Variants in FGGY observed in about 807,000 individuals in gnomAD.
FGGY encodes the protein FGGY carbohydrate kinase domain containing, also known as FGGY carbohydrate kinase domain-containing protein.
In FGGY, 72 loss-of-function variants were observed where a neutral mutation model predicts 71.3. The observed-to-expected ratio is 1.01, with a 90% CI of 0.84 to 1.23. The LOEUF (loss-of-function observed/expected upper bound fraction) is 1.23. FGGY is among the 50% of genes most tolerant of loss of function. The probability of loss-of-function intolerance (pLI) is 0.00; values close to 1 mark genes in which losing one functional copy is unlikely to be tolerated. For synonymous variants in FGGY, 251 were observed against 250.3 expected (o/e 1.00, Z -0.02); for missense variants, 668 against 682.3 (o/e 0.98, Z 0.23).
At chr1:59,447,909 G>A (rs757831009) in intron 5 of FGGY, among the ~76,000 whole-genome samples, 1 of 152,192 alleles carries the variant, frequency 6.6e-6, no homozygotes, top group Non-Finnish European at 1.5e-5. Flanking sequence ...TGTGGGAGAA[G>A]TAGTACCCTG....
At chr1:59,413,859 G>A (rs1053319574) in intron 5 of FGGY, among the ~76,000 whole-genome samples, 1 of 152,180 alleles carries the variant, frequency 6.6e-6, no homozygotes, top group Non-Finnish European at 1.5e-5. Flanking sequence ...TCCTTGGGAG[G>A]CTGAGGCATG....
intron 14 of FGGY, among the ~76,000 whole-genome samples, chr1:59,724,644 G>T (rs2097925471): frequency 6.6e-6 from 1 of 151,896 alleles, no homozygotes. Context: ...TTAGCATTTG[G>T]CATTGTTCGT....
intron 14 of FGGY, among the ~76,000 whole-genome samples, chr1:59,721,806 G>C (rs969768159): frequency 6.6e-6 from 1 of 151,758 alleles, no homozygotes; most frequent in Non-Finnish European, 1.5e-5. Flanking sequence ...CAGAGTGAAA[G>C]ACACCTGACA....
At chr1:59,507,911 GC>G (rs1226825222) in intron 6 of FGGY, among the ~76,000 whole-genome samples, 2 of 151,942 alleles carry the variant, frequency 1.3e-5, no homozygotes, top group Non-Finnish European at 2.9e-5. Context: ...GCCTGGCCAC[GC>G]CTGAAGCCCT....
rs2097955432 is a variant in FGGY at position 59,726,987 on chromosome 1, C to T, written c.1513-30944C>T. 1.3e-5 allele frequency among the ~76,000 whole-genome samples: 2 copies of T among 152,068 alleles called. 1 individual carries two copies. The highest frequency in any genetic ancestry group is 4.1e-4 in the South Asian group (2 of 4,820). ...TAAGGTTTGGGTACAGATCCTTTCT[C>T]CCAGGTAGTGAGCATAGTACACAAT... On this transcript the variant is annotated intron_variant, in intron 14 of 15. Transcript: ENST00000303721.
At position 59,340,036 on chromosome 1, in the gene FGGY, A is replaced by G; in HGVS notation, c.280A>G (p.Lys94Glu). ...DATCSLVVLD[K>E]QFHPLPVNQE... ...CACGTGTTCTCTGGTTGTTTTGGAT[A>G]AGCAGTTTCACCCATTACCAGTCAA... Residue 94 changes from lysine (K) to glutamate (E), a missense_variant, in exon 3 of 16, where the codon AAG becomes GAG. Coordinates refer to ENST00000303721, the MANE Select transcript of FGGY (RefSeq NM_018291.5). The G allele has an allele frequency of 6.2e-7, 1 of 1,613,052 alleles. No homozygotes were observed. Among genetic ancestry groups the G allele is most frequent in the South Asian group, 1.1e-5 (1 of 90,858 alleles).
At chr1:59,457,358 C>T (rs2091808545) in intron 6 of FGGY, among the ~76,000 whole-genome samples, 1 of 152,168 alleles carries the variant, frequency 6.6e-6, no homozygotes, top group South Asian at 2.1e-4. Context: ...CACCTGTAAT[C>T]CCAGCACTTT....
At chr1:59,306,487 A>G (rs2043456352) in intron 1 of FGGY, among the ~76,000 whole-genome samples, 1 of 152,236 alleles carries the variant, frequency 6.6e-6, no homozygotes, top group African/African-American at 2.4e-5. Flanking sequence ...TGAGGGAAGG[A>G]CTGGTTACCA....
intron 6 of FGGY, among the ~76,000 whole-genome samples, chr1:59,493,878 T>G (rs1295840949): frequency 6.6e-6 from 1 of 152,220 alleles, no homozygotes; most frequent in Admixed American, 6.5e-5. Flanking sequence ...TATTCTCTTC[T>G]TGGGGGAGAT....
intron 6 of FGGY, among the ~76,000 whole-genome samples, chr1:59,473,758 A>G (rs1293112230): frequency 6.6e-6 from 1 of 152,208 alleles, no homozygotes; most frequent in African/African-American, 2.4e-5. Context: ...ATTCCTTTCA[A>G]GAGATGGTTC....
At chr1:59,347,485 A>G (rs1430767798) in intron 4 of FGGY, among the ~76,000 whole-genome samples, 3 of 151,690 alleles carry the variant, frequency 2.0e-5, no homozygotes, top group Non-Finnish European at 4.4e-5. Context: ...CATTTTCTTA[A>G]TCCAGTCTAT....
At chr1:59,625,874 A>G (rs2096851524) in intron 9 of FGGY, 114 bp from the exon 10 acceptor site, 2 of 715,506 alleles carry the variant, frequency 2.8e-6, no homozygotes, top group Non-Finnish European at 4.2e-6. Context: ...ATGTTCTTGG[A>G]ACCCGTATGG....
intron 1 of FGGY, among the ~76,000 whole-genome samples, chr1:59,311,513 T>C (rs1468279882): frequency 2.6e-5 from 4 of 152,126 alleles, no homozygotes; most frequent in Non-Finnish European, 5.9e-5. Context: ...TGTTCCTGTG[T>C]TAGTTTGCTG....
chr1:59,457,052 G>A lies in FGGY; in HGVS notation c.646G>A (p.Val216Ile). 6.2e-7 allele frequency: 1 copy of A among 1,613,826 alleles called. No individual in the cohort carries two copies. The change falls in exon 6 of 16, where the codon GTT (valine) becomes ATT (isoleucine). Residue 216 changes from valine (V) to isoleucine (I), a missense_variant. Val to Ile is a conservative substitution (Grantham distance 29). This residue lies in a region of FGGY where 661 missense variants were observed against 661.6 expected (regional missense o/e 1.00). Coordinates refer to ENST00000303721, the MANE Select transcript of FGGY (RefSeq NM_018291.5). ...GAAAATGATTGGTTTGGAAGACTTT[G>A]TTGCAGATAATTACAGCAAAATAGG... ...FWKMIGLEDF[V>I]ADNYSKIGNQ... is the part of the protein sequence containing the mutation.
chr1:59,457,691 G>T (rs1411076017), intron 6 of FGGY, among the ~76,000 whole-genome samples: 1 of 152,176 alleles, frequency 6.6e-6, no homozygotes, highest in Non-Finnish European at 1.5e-5. Flanking sequence ...TACTCAAGGG[G>T]CTGTGTATGG....
At chr1:59,625,228 A>C (rs779234708) in intron 9 of FGGY, among the ~76,000 whole-genome samples, 1 of 152,188 alleles carries the variant, frequency 6.6e-6, no homozygotes, top group African/African-American at 2.4e-5. Flanking sequence ...TGGGTGTGTT[A>C]TGGCAAGCAG....
chr1:59,698,690 CT>C (rs1320433936), intron 14 of FGGY: 2 of 910,374 alleles, frequency 2.2e-6, no homozygotes, highest in African/African-American at 3.6e-5. Context: ...AACAGGACAG[CT>C]GTCCCCAAAG....
At chr1:59,459,183 A>G (rs1179898484) in intron 6 of FGGY, among the ~76,000 whole-genome samples, 2 of 152,210 alleles carry the variant, frequency 1.3e-5, no homozygotes, top group African/African-American at 4.8e-5. Flanking sequence ...CACCTCAGCA[A>G]CTGATGGTCT....
intron 6 of FGGY, among the ~76,000 whole-genome samples, chr1:59,494,715 T>C (rs2093979222): frequency 6.6e-6 from 1 of 152,144 alleles, no homozygotes; most frequent in South Asian, 2.1e-4. Flanking sequence ...GAAATTATGG[T>C]CTGGTGAGGA....
Sources: allele counts gnomAD v4.1 joint callset (sites outside exome capture counted in the v4.1 genomes callset), GRCh38; gene constraint gnomAD v4.1.1; regional missense constraint gnomAD v4.1.1; transcripts MANE v1.5; gene names NCBI Gene and HGNC (gene_info 2026-07-23, HGNC 2026-07-21).